The following TNRC18 variants were observed in gnomAD, a reference collection of about 807,000 sequenced individuals.
TNRC18 encodes trinucleotide repeat containing 18.
A neutral mutation model predicts 226.7 loss-of-function variants in TNRC18; 69 were observed. That is an observed-to-expected ratio of 0.30 (90% CI 0.25 to 0.37). The LOEUF (loss-of-function observed/expected upper bound fraction) is 0.37, where lower values mean the gene tolerates loss of function less well. TNRC18 is among the 10% of genes least tolerant of loss of function. The pLI, the probability that TNRC18 is intolerant of heterozygous loss-of-function variation, is 1.00. For missense variants in TNRC18, 4,754 were observed against 4,256.6 expected (o/e 1.12, Z -3.25); for synonymous variants, 2,449 against 1,927.6 (o/e 1.27, Z -7.09).
In TNRC18 at chr7:5,352,096, T is replaced by G; in HGVS notation, c.5195-2A>C. 6.3e-7 allele frequency: 1 copy of G among 1,597,390 alleles called. No homozygotes were observed. On this transcript the variant is annotated splice_acceptor_variant, in intron 16 of 29. Coordinates refer to ENST00000430969, the MANE Select transcript of TNRC18 (RefSeq NM_001080495.3). LOFTEE classifies it high-confidence loss of function. ...CTTCGTCTTCCTCTGAGTCCGTATC[T>G]GCAGTCAAAGTAGTTTTTAATAGAG...
At chr7:5,417,140 G>A (rs997476534) in intron 2 of TNRC18, among the ~76,000 whole-genome samples, 19 of 148,440 alleles carry the variant, frequency 1.3e-4, no homozygotes, top group African/African-American at 4.2e-4. Flanking sequence ...GGGTGACAGA[G>A]TAAAACCCTG....
In TNRC18 at chr7:5,307,695, G is replaced by C; in HGVS notation, c.*411C>G. ...AGGGTGCTTGGGAAGCCCAGAGTGA[G>C]CGTCAGTTTGGTTCCTTAGAAGCGC... On this transcript the variant is annotated 3_prime_UTR_variant, in exon 30 of 30. Coordinates refer to ENST00000430969, the MANE Select transcript of TNRC18 (RefSeq NM_001080495.3). 3.0e-6 allele frequency: 1 copy of C among 332,858 alleles called. No homozygotes were observed. 20.6% of individuals were successfully genotyped at this position (332,858 alleles called of 1,614,324 possible). A position where few individuals can be genotyped will look rare whatever the true frequency, so the allele number is the denominator to read the frequency against.
chr7:5,325,724 AT>A (rs66514806), intron 19 of TNRC18: 6,672 of 62,648 alleles, frequency 0.11, 486 homozygotes, highest in African/African-American at 0.22. Context: ...GCGCCCTGCA[AT>A]TTTTTTTTTT....
At chr7:5,409,997 A>C (rs1781738946) in intron 2 of TNRC18, among the ~76,000 whole-genome samples, 1 of 151,526 alleles carries the variant, frequency 6.6e-6, no homozygotes, top group Admixed American at 6.6e-5. Context: ...TCTCAAAAAA[A>C]AAAAAAAATT....
rs1782635560 is a variant in TNRC18, at chr7:5,422,342, C to A, written c.-243-853G>T. Among the ~76,000 whole-genome samples the A allele has an allele frequency of 3.0e-5, 4 of 135,282 alleles. No homozygotes were observed. In the South Asian group the frequency reaches 1.1e-3, roughly 37 times the overall value. 88.8% of individuals were successfully genotyped at this position (135,282 alleles called of 152,430 possible). A position where few individuals can be genotyped will look rare whatever the true frequency, so the allele number is the denominator to read the frequency against. On this transcript the variant is annotated intron_variant, in intron 1 of 29. Coordinates refer to ENST00000430969, the MANE Select transcript of TNRC18 (RefSeq NM_001080495.3). ...CCTACTCTAGCTTCCCCCCCCACAACCACCCCCCAAAATAACCTACAAAGA... is the reference window on the plus strand; with the variant it reads ...CCTACTCTAGCTTCCCCCCCCACAAACACCCCCCAAAATAACCTACAAAGA...
chr7:5,373,735 A>T (rs945811545), intron 10 of TNRC18, among the ~76,000 whole-genome samples: 1 of 152,122 alleles, frequency 6.6e-6, no homozygotes, highest in Admixed American at 6.6e-5. Flanking sequence ...ATCATCAGCA[A>T]GGCAGAACTT....
chr7:5,401,037 A>T (rs946754621), intron 2 of TNRC18, among the ~76,000 whole-genome samples: 1 of 152,048 alleles, frequency 6.6e-6, no homozygotes, highest in East Asian at 1.9e-4. Context: ...TGTCTCAAAA[A>T]AAATTTATTA....
chr7:5,397,183 G>A (rs1023698566), intron 2 of TNRC18, among the ~76,000 whole-genome samples: 2 of 152,062 alleles, frequency 1.3e-5, no homozygotes, highest in Admixed American at 6.5e-5. Flanking sequence ...TCATCCATGC[G>A]GCCCAAGCCG....
intron 10 of TNRC18, among the ~76,000 whole-genome samples, chr7:5,373,241 T>C (rs1429716091): frequency 6.6e-6 from 1 of 152,072 alleles, no homozygotes; most frequent in Non-Finnish European, 1.5e-5. Flanking sequence ...GGAGGATCGC[T>C]CGAGTCCAGG....
At chr7:5,379,039 A>G (rs79268761) in intron 5 of TNRC18, among the ~76,000 whole-genome samples, 1 of 151,962 alleles carries the variant, frequency 6.6e-6, no homozygotes, top group African/African-American at 2.4e-5. Context: ...ACTAAAAAAA[A>G]TACAAAAATC....
intron 18 of TNRC18, among the ~76,000 whole-genome samples, chr7:5,345,142 C>T (rs950681204): frequency 2.6e-5 from 4 of 152,184 alleles, no homozygotes; most frequent in South Asian, 2.1e-4. Context: ...TTCTTTCTAC[C>T]GTGACGTGGC....
chr7:5,329,897 T>TA (rs1433792775), intron 19 of TNRC18: 1 of 470,628 alleles, frequency 2.1e-6, no homozygotes, highest in African/African-American at 2.0e-5. Context: ...AACAGCTGAA[T>TA]ACCCAGCTAT....
chr7:5,422,616 C>T (rs565565479), intron 1 of TNRC18, among the ~76,000 whole-genome samples: 4 of 152,268 alleles, frequency 2.6e-5, no homozygotes, highest in Non-Finnish European at 5.9e-5. Flanking sequence ...CCCGGGTGCC[C>T]GCCCGGCGCC....
chr7:5,313,099 C>G lies in TNRC18; in HGVS notation c.7792G>C (p.Gly2598Arg), dbSNP rs1482198219. 6 of 1,386,714 alleles carry G rather than the reference C, an allele frequency of 4.3e-6. No individual in the cohort carries two copies. Among genetic ancestry groups the G allele is most frequent in the Non-Finnish European group, 5.9e-6 (6 of 1,008,756 alleles). 85.9% of individuals were successfully genotyped at this position (1,386,714 alleles called of 1,614,324 possible). The change falls in exon 27 of 30, where the codon GGG becomes CGG. Residue 2598 changes from glycine to arginine, a missense_variant. Physicochemically the swap from Gly to Arg is moderately radical, Grantham distance 125. Transcript: ENST00000430969. ...DKNGDGGCGT[G>R]GRNCSAASSR... is the part of the protein sequence containing the mutation. ...CTGGCAGCGCTGCAGTTACGGCCCCCGGTGCCGCAGCCCCCGTCCCCGTTC... is the reference window on the plus strand; with the variant it reads ...CTGGCAGCGCTGCAGTTACGGCCCCGGGTGCCGCAGCCCCCGTCCCCGTTC...
At chr7:5,327,805 A>T (rs1295825474) in intron 19 of TNRC18, among the ~76,000 whole-genome samples, 1 of 152,206 alleles carries the variant, frequency 6.6e-6, no homozygotes, top group East Asian at 1.9e-4. Context: ...TCTGTATGCA[A>T]AACAGAGACG....
At chr7:5,315,198 G>A (rs770062744) in intron 25 of TNRC18, 50 bp from the exon 26 acceptor site, 1 of 1,572,134 alleles carries the variant, frequency 6.4e-7, no homozygotes, top group Non-Finnish European at 8.6e-7. Flanking sequence ...TCCCCAGCTT[G>A]GAGCTTCCAA....
At chr7:5,385,109 C>A (rs1416156483) in intron 5 of TNRC18, among the ~76,000 whole-genome samples, 1 of 152,218 alleles carries the variant, frequency 6.6e-6, no homozygotes. Context: ...CATGGCTGTG[C>A]AGGAAGTGGG....
At chr7:5,334,039 G>T (rs924742904) in intron 18 of TNRC18, among the ~76,000 whole-genome samples, 1 of 152,178 alleles carries the variant, frequency 6.6e-6, no homozygotes, top group African/African-American at 2.4e-5. Flanking sequence ...GGGCTCCAAG[G>T]TGCCTTCACT....
intron 2 of TNRC18, among the ~76,000 whole-genome samples, chr7:5,403,313 A>T (rs1781239209): frequency 2.0e-5 from 3 of 152,032 alleles, no homozygotes; most frequent in Non-Finnish European, 1.5e-5. Context: ...GGCATGCACC[A>T]CCACGCCCAG....
Sources: gnomAD v4.1 joint callset for allele counts (sites outside exome capture counted in the v4.1 genomes callset) on GRCh38, gnomAD v4.1.1 for gene constraint, MANE v1.5 for transcripts, NCBI Gene and HGNC (gene_info 2026-07-23, HGNC 2026-07-21) for gene names.